Variants in DPYD observed in about 807,000 individuals in gnomAD.
DPYD encodes the protein dihydropyrimidine dehydrogenase.
In DPYD, 109 loss-of-function variants were observed where a neutral mutation model predicts 116.2. The observed-to-expected ratio is 0.94, with a 90% confidence interval of 0.80 to 1.10. The LOEUF is 1.10. Among genes scored for constraint, DPYD ranks in the 50% least tolerant of loss-of-function variants. DPYD has a pLI of 0.00. For synonymous variants in DPYD, 440 were observed against 432.0 expected (o/e 1.02, Z -0.23); for missense variants, 1,302 against 1,254.5 (o/e 1.04, Z -0.57).
intron 14 of DPYD, among the ~76,000 whole-genome samples, chr1:97,407,418 T>A (rs1673724147): frequency 6.6e-6 from 1 of 152,180 alleles, no homozygotes; most frequent in Non-Finnish European, 1.5e-5. Context: ...TAATGCATGT[T>A]CAATTAGATA....
At position 97,802,287 on chromosome 1, in the gene DPYD, T is replaced by A. The variant is rs1189755859; in HGVS notation, c.233+25827A>T. 2.0e-5 allele frequency among the ~76,000 whole-genome samples: 3 copies of A among 151,896 alleles called. No homozygotes were observed. The East Asian group carries it at 5.8e-4, about 29-fold the overall frequency. ...TGAACATATGAACATAAGCCTTAATTAAGACAAATCTTTCTTCTGCCTGAA... is the reference window on the plus strand; with the variant it reads ...TGAACATATGAACATAAGCCTTAATAAAGACAAATCTTTCTTCTGCCTGAA... On this transcript the variant is annotated intron_variant, in intron 3 of 22. Coordinates refer to ENST00000370192, the MANE Select transcript of DPYD (RefSeq NM_000110.4).
chr1:97,546,263 A>G, intron 12 of DPYD: 1 of 1,485,028 alleles, frequency 6.7e-7, no homozygotes, highest in East Asian at 2.3e-5. Flanking sequence ...AATCAAAAAA[A>G]AAGAAACCTT....
At chr1:97,506,630 A>G (rs1185331744) in intron 13 of DPYD, among the ~76,000 whole-genome samples, 5 of 151,936 alleles carry the variant, frequency 3.3e-5, no homozygotes, top group Non-Finnish European at 5.9e-5. Flanking sequence ...ACGTCAATTT[A>G]TATTATTAAA....
intron 13 of DPYD, among the ~76,000 whole-genome samples, chr1:97,508,801 T>C (rs1647554152): frequency 1.3e-5 from 2 of 151,966 alleles, no homozygotes; most frequent in Non-Finnish European, 2.9e-5. Context: ...GCCATTTCCA[T>C]GCTGTTACAA....
intron 3 of DPYD, among the ~76,000 whole-genome samples, chr1:97,786,664 C>T (rs1350901006): frequency 6.6e-6 from 1 of 152,178 alleles, no homozygotes; most frequent in Non-Finnish European, 1.5e-5. Flanking sequence ...AAGTTTACAC[C>T]TAAAGAGCAG....
intron 18 of DPYD, among the ~76,000 whole-genome samples, chr1:97,303,085 A>T (rs1666960728): frequency 6.6e-6 from 1 of 151,980 alleles, no homozygotes; most frequent in African/African-American, 2.4e-5. Context: ...CTATTTCCGT[A>T]TTTAAACAAA....
intron 8 of DPYD, among the ~76,000 whole-genome samples, chr1:97,644,483 C>T (rs1382907453): frequency 6.6e-6 from 1 of 152,064 alleles, no homozygotes; most frequent in Non-Finnish European, 1.5e-5. Context: ...GTCTGAAGTG[C>T]AGTGTCACAA....
intron 20 of DPYD, among the ~76,000 whole-genome samples, chr1:97,106,437 C>T (rs923302066): frequency 2.6e-5 from 4 of 151,996 alleles, no homozygotes; most frequent in Non-Finnish European, 5.9e-5. Context: ...GCGGGCATCC[C>T]CCAATTGGTT....
At position 97,658,184 on chromosome 1, in the gene DPYD, T is replaced by A. The variant is rs547227831; in HGVS notation, c.850+20911A>T. On this transcript the variant is annotated intron_variant, in intron 8 of 22. Transcript: ENST00000370192. Reference sequence around the variant, plus strand: ...ATTACACACTTAAATTAGTTTTATGTTTTAGTTTTATAAATTAGTCTTCTC... The same window carrying A: ...ATTACACACTTAAATTAGTTTTATGATTTAGTTTTATAAATTAGTCTTCTC... Among the ~76,000 whole-genome samples the A allele has an allele frequency of 3.3e-5, 5 of 152,234 alleles. No individual in the cohort carries two copies. In the South Asian group the frequency reaches 8.3e-4, roughly 25 times the overall value.
intron 10 of DPYD, among the ~76,000 whole-genome samples, chr1:97,582,153 T>C (rs971266803): frequency 6.6e-6 from 1 of 152,198 alleles, no homozygotes; most frequent in South Asian, 2.1e-4. Context: ...TATCTGAGTA[T>C]AAATTAGATG....
At chr1:97,711,685 C>A (rs996116733) in intron 5 of DPYD, among the ~76,000 whole-genome samples, 1 of 151,946 alleles carries the variant, frequency 6.6e-6, no homozygotes, top group Non-Finnish European at 1.5e-5. Flanking sequence ...ATAAACCTTA[C>A]AAATTTTGAG....
intron 8 of DPYD, among the ~76,000 whole-genome samples, chr1:97,599,645 C>T (rs1176399855): frequency 1.3e-5 from 2 of 151,692 alleles, no homozygotes; most frequent in African/African-American, 4.8e-5. Context: ...TGGAGATAGA[C>T]TCACAAATCC....
intron 8 of DPYD, among the ~76,000 whole-genome samples, chr1:97,605,139 A>G (rs557276107): frequency 2.8e-4 from 42 of 152,220 alleles, no homozygotes; most frequent in African/African-American, 9.1e-4. Flanking sequence ...CCTGTTCATA[A>G]AAGAAAGAAT....
At chr1:97,264,788 G>C (rs1292794424) in intron 18 of DPYD, among the ~76,000 whole-genome samples, 1 of 138,026 alleles carries the variant, frequency 7.2e-6, no homozygotes, top group Non-Finnish European at 1.6e-5. Context: ...ACTCGAACCT[G>C]GGTCTGCTGA....
chr1:97,383,916 T>C (rs1317067964), intron 14 of DPYD, among the ~76,000 whole-genome samples: 1 of 152,050 alleles, frequency 6.6e-6, no homozygotes, highest in Non-Finnish European at 1.5e-5. Flanking sequence ...ATGACCAACC[T>C]GGGAAACAGA....
chr1:97,738,225 A>C (rs984254721), intron 4 of DPYD, among the ~76,000 whole-genome samples: 2 of 152,152 alleles, frequency 1.3e-5, no homozygotes, highest in Non-Finnish European at 2.9e-5. Flanking sequence ...CCTATCAAGA[A>C]ATATAACCCA....
chr1:97,840,103 T>C (rs1669964549), intron 2 of DPYD, among the ~76,000 whole-genome samples: 1 of 152,162 alleles, frequency 6.6e-6, no homozygotes, highest in Non-Finnish European at 1.5e-5. Flanking sequence ...CTTTAAAGGA[T>C]ATTAAGAATA....
intron 11 of DPYD, among the ~76,000 whole-genome samples, chr1:97,556,877 G>A (rs1651763813): frequency 6.7e-6 from 1 of 150,178 alleles, no homozygotes; most frequent in Non-Finnish European, 1.5e-5. Flanking sequence ...ACCCAGTAAT[G>A]GGATGGCTGG....
chr1:97,124,406 C>T (rs1393692636), intron 20 of DPYD, among the ~76,000 whole-genome samples: 1 of 152,046 alleles, frequency 6.6e-6, no homozygotes. Context: ...ACTTTAGTAA[C>T]TTTTCTGAGT....
Sources: gnomAD v4.1 joint callset for allele counts (sites outside exome capture counted in the v4.1 genomes callset) on GRCh38, gnomAD v4.1.1 for gene constraint, MANE v1.5 for transcripts, NCBI Gene and HGNC (gene_info 2026-07-23, HGNC 2026-07-21) for gene names.